TPR: variants seen among roughly 807,000 people sequenced by gnomAD.
The protein encoded by TPR is translocated promoter region, nuclear basket protein, also known as nucleoprotein TPR.
TPR carries 51 observed loss-of-function variants against 316.1 expected under a neutral mutation model. The observed-to-expected ratio is 0.16, with a 90% CI of 0.13 to 0.20. The LOEUF is 0.20. Ranked by LOEUF, TPR falls within the 10% of genes least tolerant of loss-of-function variation. The probability of loss-of-function intolerance (pLI) is 1.00; values close to 1 mark genes in which losing one functional copy is unlikely to be tolerated. For missense variants in TPR, 2,272 were observed against 2,754.8 expected (o/e 0.82, Z 3.92); for synonymous variants, 981 against 914.7 (o/e 1.07, Z -1.31).
intron 6 of TPR, 125 bp from the exon 7 acceptor site, chr1:186,362,505 A>C: frequency 1.4e-6 from 1 of 726,374 alleles, no homozygotes. Flanking sequence ...AGCAATTAAA[A>C]TATGCATATT....
rs1486536730 is a variant in TPR at position 186,337,280 on chromosome 1, C to T, written c.4363-124G>A. ...ATTTTATCCCTGAAGGTATTCAAAACAGAATTTTCTATGAAACAACTGTAA... is the reference window on the plus strand; with the variant it reads ...ATTTTATCCCTGAAGGTATTCAAAATAGAATTTTCTATGAAACAACTGTAA... On this transcript the variant is annotated intron_variant, in intron 31 of 50. Coordinates refer to ENST00000367478, the MANE Select transcript of TPR (RefSeq NM_003292.3). 9.0e-6 allele frequency: 11 copies of T among 1,225,820 alleles called. No individual in the cohort carries two copies. The Admixed American group carries it at 3.3e-4, about 37-fold the overall frequency. The allele number at this position is 1,225,820 out of a possible 1,614,324, so 75.9% of individuals were successfully genotyped here.
At chr1:186,315,551 A>C (rs1170208001) in intron 49 of TPR, among the ~76,000 whole-genome samples, 1 of 151,998 alleles carries the variant, frequency 6.6e-6, no homozygotes, top group African/African-American at 2.4e-5. Context: ...TCTTTTCCTG[A>C]CTTACTGCAG....
chr1:186,327,785 TTAA>T, intron 39 of TPR, 125 bp from the exon 40 acceptor site: 1 of 861,188 alleles, frequency 1.2e-6, no homozygotes. Flanking sequence ...AGCATTTAAT[TTAA>T]TTTTTTTTTT....
At chr1:186,316,245 GA>G (rs771291484) in intron 49 of TPR, among the ~76,000 whole-genome samples, 2 of 152,090 alleles carry the variant, frequency 1.3e-5, no homozygotes, top group Admixed American at 6.6e-5. Flanking sequence ...TACTGCGTAT[GA>G]AATGGTTCTG....
At chr1:186,352,559 C>G (rs1216176756) in intron 18 of TPR, among the ~76,000 whole-genome samples, 5 of 152,128 alleles carry the variant, frequency 3.3e-5, no homozygotes, top group African/African-American at 1.2e-4. Flanking sequence ...GAGTCTGAGT[C>G]TCAAGGGGAC....
chr1:186,312,069 A>G lies in TPR; in HGVS notation c.*1902T>C, dbSNP rs1657288345. The G allele has an allele frequency of 1.1e-6, 1 of 890,202 alleles. No individual in the cohort carries two copies. Among genetic ancestry groups the G allele is most frequent in the Non-Finnish European group, 1.8e-6 (1 of 563,814 alleles). The allele number at this position is 890,202 out of a possible 1,614,324, so 55.1% of individuals were successfully genotyped here. ...TTAATATCAATATATTATATGAAAA[A>G]TGAGAACAAAACTGTTTCCTATACA... On this transcript the variant is annotated 3_prime_UTR_variant, in exon 51 of 51. Transcript: ENST00000367478.
intron 40 of TPR, 55 bp downstream of exon 40, chr1:186,327,405 T>G: frequency 1.3e-6 from 2 of 1,567,566 alleles, no homozygotes; most frequent in South Asian, 1.1e-5. Context: ...CCCAAGGATT[T>G]GAGCACTTTC....
chr1:186,359,773 G>A (rs753112255), intron 12 of TPR, 26 bp downstream of exon 12: 9 of 1,564,790 alleles, frequency 5.8e-6, no homozygotes, highest in East Asian at 2.3e-5. Context: ...TTGTTACCAC[G>A]GCTAAATTTT....
At chr1:186,356,650 T>C (rs904596968) in intron 14 of TPR, 4 of 451,834 alleles carry the variant, frequency 8.9e-6, no homozygotes, top group African/African-American at 5.9e-5. Context: ...TACTTACCAA[T>C]GCAATCTGAA....
Position 186,312,177 on chromosome 1 carries a change from G to A in TPR, c.*1794C>T. 1 of 1,613,328 alleles carries A rather than the reference G, an allele frequency of 6.2e-7. No individual in the cohort carries two copies. The highest frequency in any genetic ancestry group is 8.5e-7 in the Non-Finnish European group (1 of 1,179,420). On this transcript the variant is annotated 3_prime_UTR_variant, in exon 51 of 51. Coordinates refer to ENST00000367478, the MANE Select transcript of TPR (RefSeq NM_003292.3). ...TGTGATATTCTAATACATAACAGGT[G>A]GCAGCATTCAGCAGTATATTTATAA...
At chr1:186,342,791 T>G (rs1430580527) in intron 27 of TPR, 1 of 152,210 alleles carries the variant, frequency 6.6e-6, no homozygotes, top group Non-Finnish European at 1.5e-5. Context: ...GAGTCAAGCT[T>G]GTCTTATTAT....
At chr1:186,318,133 T>A in intron 48 of TPR, among the ~76,000 whole-genome samples, 1 of 152,070 alleles carries the variant, frequency 6.6e-6, no homozygotes, top group South Asian at 2.1e-4. Context: ...ATGAATCTGC[T>A]CCAGTTTAAG....
At chr1:186,357,215 A>G (rs1464703089) in intron 14 of TPR, among the ~76,000 whole-genome samples, 182 bp downstream of exon 14, 1 of 151,796 alleles carries the variant, frequency 6.6e-6, no homozygotes, top group Non-Finnish European at 1.5e-5. Flanking sequence ...CACCCAGCTA[A>G]TTTTTTACTT....
At chr1:186,360,196 G>A in intron 11 of TPR, 77 bp downstream of exon 11, 1 of 1,500,232 alleles carries the variant, frequency 6.7e-7, no homozygotes, top group Non-Finnish European at 9.1e-7. Context: ...ATAAGTTTTG[G>A]GAGAATTAAA....
chr1:186,314,033 A>C lies in TPR; in HGVS notation c.7037-7T>G. ...CCCATTGCATGGCTCACACCTGTAA[A>C]AGAAAAAAGAATCAAATTGAATATA... On this transcript the variant is annotated splice_polypyrimidine_tract_variant and splice_region_variant and intron_variant, in intron 50 of 50. Coordinates refer to ENST00000367478, the MANE Select transcript of TPR (RefSeq NM_003292.3). The C allele has an allele frequency of 6.2e-7, 1 of 1,608,240 alleles. No homozygotes were observed. The highest frequency in any genetic ancestry group is 1.3e-5 in the African/African-American group (1 of 74,944).
At chr1:186,363,497 A>G (rs750185060) in intron 4 of TPR, 52 bp from the exon 5 acceptor site, 1 of 1,197,028 alleles carries the variant, frequency 8.4e-7, no homozygotes, top group Non-Finnish European at 1.2e-6. Flanking sequence ...ACTCAGGGGA[A>G]CCAAATATCA....
In TPR at chr1:186,327,486, C is replaced by G. The variant is rs746252858; in HGVS notation, c.5863G>C (p.Asp1955His). The G allele has an allele frequency of 6.2e-7, 1 of 1,610,136 alleles. No individual in the cohort carries two copies. The highest frequency in any genetic ancestry group is 8.5e-7 in the Non-Finnish European group (1 of 1,179,308). The change falls in exon 40 of 51, where the codon GAT (aspartate) becomes CAT (histidine). Residue 1955 changes from aspartate to histidine, a missense_variant. By Grantham distance (81) the Asp-to-His change is moderately conservative. This residue lies in a region of TPR where 435 missense variants were observed against 461.1 expected (regional missense o/e 0.94). Transcript: ENST00000367478. ...VIDSDDEEED[D>H]DENDGEHEDY... ...TCATGTTCTCCATCATTTTCATCAT[C>G]ATCCTCTTCTTCATCATCACTGTCA...
chr1:186,321,782 G>C (rs569168895), intron 45 of TPR, among the ~76,000 whole-genome samples: 9 of 152,188 alleles, frequency 5.9e-5, no homozygotes, highest in East Asian at 1.9e-4. Context: ...ATTACAGTTA[G>C]TTGCTCATTT....
In TPR at chr1:186,341,087, A is replaced by G. The variant is rs1293944328; in HGVS notation, c.3961T>C (p.Leu1321=). Residue 1321 remains leucine, a synonymous_variant, in exon 29 of 51, where the codon TTG becomes CTG. Coordinates refer to ENST00000367478, the MANE Select transcript of TPR (RefSeq NM_003292.3). The part of the protein sequence containing the change: ...NAELSEKSGM[L]QAEKKLLEED... ...TCTAAGAGCTTCTTCTCTGCCTGCA[A>G]CATACCGCTTTTCTCACTCAGCTCA... The G allele has an allele frequency of 6.2e-7, 1 of 1,614,130 alleles. No individual in the cohort carries two copies. Among genetic ancestry groups the G allele is most frequent in the Admixed American group, 1.7e-5 (1 of 60,024 alleles).
Sources: allele counts gnomAD v4.1 joint callset (sites outside exome capture counted in the v4.1 genomes callset), GRCh38; gene constraint gnomAD v4.1.1; regional missense constraint gnomAD v4.1.1; transcripts MANE v1.5; gene names NCBI Gene and HGNC (gene_info 2026-07-23, HGNC 2026-07-21).